MTCL3: variants seen among roughly 807,000 people sequenced by gnomAD.
MTCL3 encodes the protein microtubule cross-linking factor 3.
At chr6:127,475,219 G>C in the MTCL3 span, 2 of 1,477,384 alleles carry the variant, frequency 1.4e-6, no homozygotes, top group South Asian at 2.7e-5. The surrounding 1 kb of genome is among the most constrained non-coding windows in gnomAD (Gnocchi z 7.3). Flanking sequence ...TCCGGGCGCC[G>C]AGACGCCCCC....
At chr6:127,475,435 C>T in the MTCL3 span, 3 of 1,612,860 alleles carry the variant, frequency 1.9e-6, no homozygotes, top group Non-Finnish European at 1.7e-6. The surrounding 1 kb of genome is among the most constrained non-coding windows in gnomAD (Gnocchi z 7.3). Context: ...CTCCCGGATG[C>T]GGCTGCCGTC....
At chr6:127,474,033 T>A in the MTCL3 span, among the ~76,000 whole-genome samples, 1 of 152,200 alleles carries the variant, frequency 6.6e-6, no homozygotes, top group South Asian at 2.1e-4. Context: ...TATTACTATT[T>A]CTCTGAATTA....
the MTCL3 span, chr6:127,482,786 T>C: frequency 1.6e-6 from 1 of 616,704 alleles, no homozygotes; most frequent in South Asian, 2.9e-5. The surrounding 1 kb of genome is among the most constrained non-coding windows in gnomAD (Gnocchi z 4.1). Flanking sequence ...GCTACATAAT[T>C]GATATGCAAA....
chr6:127,475,245 A>T, the MTCL3 span: 3 of 1,529,482 alleles, frequency 2.0e-6, no homozygotes, highest in Non-Finnish European at 2.6e-6. This position sits in a 1 kb window ranked among gnomAD's most constrained non-coding sequence, Gnocchi z 7.3. Flanking sequence ...ACGCGGCTCC[A>T]CGGGCCAGCC....
the MTCL3 span, among the ~76,000 whole-genome samples, chr6:127,486,523 A>G: frequency 1.3e-5 from 2 of 152,058 alleles, no homozygotes; most frequent in African/African-American, 2.4e-5. Context: ...CATCCACTAA[A>G]TCTTGTAACC....
At chr6:127,489,254 T>C in the MTCL3 span, among the ~76,000 whole-genome samples, 1 of 152,214 alleles carries the variant, frequency 6.6e-6, no homozygotes. Flanking sequence ...AACTTAAATG[T>C]GGTGTGTGTT....
chr6:127,516,219 C>T, the MTCL3 span: 1 of 1,435,410 alleles, frequency 7.0e-7, no homozygotes, highest in East Asian at 2.6e-5. Flanking sequence ...CCAAAGCGGC[C>T]AGGGTCGCGG....
the MTCL3 span, chr6:127,475,695 G>A: frequency 1.3e-6 from 2 of 1,584,554 alleles, no homozygotes; most frequent in Non-Finnish European, 1.7e-6. The surrounding 1 kb of genome is among the most constrained non-coding windows in gnomAD (Gnocchi z 7.3). Context: ...TCTCGCCGCC[G>A]ATGGGCCCTT....
At chr6:127,516,388 T>C in the MTCL3 span, 1 of 1,600,590 alleles carries the variant, frequency 6.2e-7, no homozygotes, top group Non-Finnish European at 8.5e-7. Context: ...TTGCTGCTGC[T>C]GCAGCTGCTG....
the MTCL3 span, among the ~76,000 whole-genome samples, chr6:127,501,428 T>G: frequency 2.0e-5 from 3 of 152,226 alleles, no homozygotes; most frequent in East Asian, 5.8e-4. Context: ...TACAACTACA[T>G]ACTAACATAT....
the MTCL3 span, chr6:127,482,994 A>G: frequency 6.3e-7 from 1 of 1,593,662 alleles, no homozygotes. The surrounding 1 kb of genome is among the most constrained non-coding windows in gnomAD (Gnocchi z 4.1). Context: ...ACTGAAACAA[A>G]GCATGAATAT....
the MTCL3 span, chr6:127,516,034 C>T: frequency 3.2e-6 from 5 of 1,570,350 alleles, no homozygotes; most frequent in African/African-American, 1.4e-5. Flanking sequence ...TCGCCAGCCC[C>T]TGGGCGGCGG....
chr6:127,493,332 G>A, the MTCL3 span, among the ~76,000 whole-genome samples: 2 of 152,106 alleles, frequency 1.3e-5, no homozygotes, highest in Non-Finnish European at 2.9e-5. Context: ...CTTTAGAAAA[G>A]AATAGAGAAG....
the MTCL3 span, chr6:127,515,112 A>G: frequency 1.4e-5 from 19 of 1,379,792 alleles, no homozygotes; most frequent in Non-Finnish European, 1.9e-5. The surrounding 1 kb of genome is among the most constrained non-coding windows in gnomAD (Gnocchi z 4.3). Flanking sequence ...CACACACCGT[A>G]CACACCCCAT....
chr6:127,491,788 T>G, the MTCL3 span, among the ~76,000 whole-genome samples: 7 of 150,966 alleles, frequency 4.6e-5, no homozygotes, highest in Non-Finnish European at 7.4e-5. Flanking sequence ...GGAGGATAGC[T>G]TGAGCCCAGG....
the MTCL3 span, chr6:127,475,468 A>T: frequency 6.2e-7 from 1 of 1,613,484 alleles, no homozygotes; most frequent in East Asian, 2.2e-5. The surrounding 1 kb of genome is among the most constrained non-coding windows in gnomAD (Gnocchi z 7.3). Context: ...CATGAGTCCG[A>T]ACAGGTCCCC....
At chr6:127,515,634 G>T in the MTCL3 span, 1 of 1,418,996 alleles carries the variant, frequency 7.0e-7, no homozygotes, top group Non-Finnish European at 9.2e-7. This position sits in a 1 kb window ranked among gnomAD's most constrained non-coding sequence, Gnocchi z 4.3. Flanking sequence ...TGCCCCCGCC[G>T]CTCGCGCTGC....
At chr6:127,473,410 A>G in the MTCL3 span, 2 of 1,487,852 alleles carry the variant, frequency 1.3e-6, no homozygotes, top group Non-Finnish European at 1.8e-6. Context: ...GTAAATGCAA[A>G]GACAAAGAGA....
chr6:127,497,851 T>C, the MTCL3 span, among the ~76,000 whole-genome samples: 25 of 152,182 alleles, frequency 1.6e-4, no homozygotes, highest in Admixed American at 1.5e-3. Context: ...GAGGAAAGGA[T>C]AGTCTTTTCG....
Sources: allele counts gnomAD v4.1 joint callset (sites outside exome capture counted in the v4.1 genomes callset), GRCh38; gene constraint gnomAD v4.1.1; non-coding constraint Gnocchi (gnomAD v3.1); transcripts MANE v1.5; gene names NCBI Gene and HGNC (gene_info 2026-07-23, HGNC 2026-07-21).